Variants in PCDHGA6 observed in about 807,000 individuals in gnomAD.
The protein encoded by PCDHGA6 is protocadherin gamma-A6.
In PCDHGA6, 41 loss-of-function variants were observed where a neutral mutation model predicts 60.6. The observed-to-expected ratio is 0.68, with a 90% CI of 0.53 to 0.88. The LOEUF is 0.88. Ranked by LOEUF, PCDHGA6 falls within the 40% of genes least tolerant of loss-of-function variation. The pLI, the probability that PCDHGA6 is intolerant of heterozygous loss-of-function variation, is 0.00. For missense variants in PCDHGA6, 1,312 were observed against 1,203.0 expected, an observed-to-expected ratio of 1.09 and a Z score of -1.34; for synonymous variants, 594 against 524.4, an observed-to-expected ratio of 1.13 and a Z score of -1.81.
At chr5:141,428,358 G>A in intron 1 of PCDHGA6, 2 of 565,492 alleles carry the variant, frequency 3.5e-6, no homozygotes, top group South Asian at 1.9e-5. Context: ...TGATTTTGGC[G>A]GTCGCCTTGC....
intron 3 of PCDHGA6, among the ~76,000 whole-genome samples, chr5:141,508,855 C>T (rs2099872444): frequency 6.6e-6 from 1 of 152,020 alleles, no homozygotes; most frequent in Non-Finnish European, 1.5e-5. Flanking sequence ...CATTCCCAGG[C>T]TGGGAAAGGC....
chr5:141,374,954 A>G lies in PCDHGA6; in HGVS notation c.871A>G (p.Ile291Val). The G allele has an allele frequency of 6.2e-7, 1 of 1,613,990 alleles. No homozygotes were observed. The part of the protein sequence containing the change: ...FVKITEKISQ[I>V]FCLNVLTGEI... ...GAAGATTACAGAAAAGATCTCACAA[A>G]TTTTCTGTTTGAATGTTTTGACTGG... Residue 291 changes from isoleucine to valine, a missense_variant, in exon 1 of 4, where the codon ATT (isoleucine) becomes GTT (valine). Physicochemically the swap from Ile to Val is conservative, Grantham distance 29 (BLOSUM62 3). Transcript: ENST00000517434.
Position 141,490,618 on chromosome 5 carries a change from A to C in PCDHGA6, c.2425-4189A>C. The C allele has an allele frequency of 6.2e-7, 1 of 1,614,104 alleles. No homozygotes were observed. Among genetic ancestry groups the C allele is most frequent in the South Asian group, 1.1e-5 (1 of 91,080 alleles). ...ACCCCGCTTCAACCAGCAGCTTTAC[A>C]CTGCTTACATCCTAGAAAACCGGCC... On this transcript the variant is annotated intron_variant, in intron 1 of 3. Coordinates refer to ENST00000517434, the MANE Select transcript of PCDHGA6 (RefSeq NM_018919.3). This position sits in a 1 kb window ranked among gnomAD's most constrained non-coding sequence, Gnocchi z 5.4.
At chr5:141,414,738 C>T in intron 1 of PCDHGA6, 1 of 1,614,238 alleles carries the variant, frequency 6.2e-7, no homozygotes, top group Non-Finnish European at 8.5e-7. Context: ...TGTATGCACT[C>T]AGATCCTTCG....
chr5:141,414,554 C>G (rs1184557964), intron 1 of PCDHGA6: 3 of 1,613,880 alleles, frequency 1.9e-6, no homozygotes, highest in East Asian at 2.2e-5. Context: ...TCTCAAGTCT[C>G]CTACTTTACC....
In PCDHGA6 at chr5:141,432,867, T is replaced by C; in HGVS notation, c.2424+56360T>C. ...GTAGCGGTGGCCGCGGTCTCCTGCG[T>C]CTTCCTGGCCTTCGTCATCTTGCTG... On this transcript the variant is annotated intron_variant, in intron 1 of 3. Coordinates refer to ENST00000517434, the MANE Select transcript of PCDHGA6 (RefSeq NM_018919.3). The surrounding 1 kb of genome is among the most constrained non-coding windows in gnomAD (Gnocchi z 6.0). 2 of 1,614,182 alleles carry C rather than the reference T, an allele frequency of 1.2e-6. No individual in the cohort carries two copies. The highest frequency in any genetic ancestry group is 1.7e-6 in the Non-Finnish European group (2 of 1,180,010).
intron 1 of PCDHGA6, chr5:141,468,354 GA>G (rs910554966): frequency 7.0e-6 from 1 of 143,440 alleles, no homozygotes. Context: ...AAAAAAGAAA[GA>G]AAAAAGAAAT....
intron 1 of PCDHGA6, chr5:141,416,406 T>C (rs2096021956): frequency 6.6e-6 from 1 of 152,224 alleles, no homozygotes; most frequent in Non-Finnish European, 1.5e-5. Flanking sequence ...TTGTCTTTTT[T>C]GTTAAATTTT....
chr5:141,478,499 G>A (rs77463374), intron 1 of PCDHGA6: 18 of 1,612,728 alleles, frequency 1.1e-5, no homozygotes, highest in African/African-American at 2.7e-5. Context: ...CTGTGATCCG[G>A]TGTTCTATAG....
chr5:141,408,176 G>C, intron 1 of PCDHGA6: 1 of 1,533,992 alleles, frequency 6.5e-7, no homozygotes, highest in South Asian at 1.2e-5. Flanking sequence ...TGGAAAAGCG[G>C]GGACCCAGCG....
At chr5:141,413,729 G>C (rs2095671676) in intron 1 of PCDHGA6, 1 of 1,613,378 alleles carries the variant, frequency 6.2e-7, no homozygotes, top group Non-Finnish European at 8.5e-7. Flanking sequence ...TTCTCCCTAA[G>C]AGTTCAGAGC....
intron 1 of PCDHGA6, among the ~76,000 whole-genome samples, chr5:141,467,591 T>C (rs765816743): frequency 3.3e-5 from 5 of 152,360 alleles, no homozygotes; most frequent in South Asian, 4.1e-4. Flanking sequence ...ATGCCATTTA[T>C]TAAGCACTTC....
Position 141,376,280 on chromosome 5 carries a change from G to A in PCDHGA6, c.2197G>A (p.Ala733Thr), listed in dbSNP as rs1366103411. The part of the protein sequence containing the change: ...RLLQASGGGL[A>T]SMPGSHFVGV... ...GCTGCAGGCTTCGGGAGGTGGCTTA[G>A]CGAGCATGCCCGGCTCGCACTTTGT... Residue 733 changes from alanine (A) to threonine (T), a missense_variant, in exon 1 of 4, where the codon GCG becomes ACG. By Grantham distance (58) the Ala-to-Thr change is moderately conservative (BLOSUM62 0). Transcript: ENST00000517434. 2.5e-6 allele frequency: 4 copies of A among 1,614,226 alleles called. No individual in the cohort carries two copies. The highest frequency in any genetic ancestry group is 1.7e-5 in the Admixed American group (1 of 60,028).
chr5:141,470,452 G>A (rs981528762), intron 1 of PCDHGA6, among the ~76,000 whole-genome samples: 1 of 152,130 alleles, frequency 6.6e-6, no homozygotes, highest in Admixed American at 6.5e-5. Flanking sequence ...ATAGCATCTT[G>A]AATAGGATTT....
chr5:141,414,587 G>C (rs775783880), intron 1 of PCDHGA6: 3 of 1,613,828 alleles, frequency 1.9e-6, no homozygotes, highest in Admixed American at 3.3e-5. Context: ...AACAACGCCA[G>C]GGGTGCCTCC....
chr5:141,409,903 G>A (rs570063514), intron 1 of PCDHGA6: 1 of 1,613,268 alleles, frequency 6.2e-7, no homozygotes, highest in Non-Finnish European at 8.5e-7. Flanking sequence ...ACCCAGCTCT[G>A]GGTCCTGACG....
Position 141,384,048 on chromosome 5 carries a change from C to A in PCDHGA6, c.2424+7541C>A, listed in dbSNP as rs111794989. 4,325 of 1,611,882 alleles carry A rather than the reference C, an allele frequency of 2.7e-3. 15 individuals carry two copies. Among genetic ancestry groups the A allele is most frequent in the Admixed American group, 9.3e-3 (555 of 59,694 alleles). ...ATTCTGGAAAGAATGGTGAGGTGACCTGCACCATTCCAGAAAACCTACCTT... is the reference window on the plus strand; with the variant it reads ...ATTCTGGAAAGAATGGTGAGGTGACATGCACCATTCCAGAAAACCTACCTT... On this transcript the variant is annotated intron_variant, in intron 1 of 3. Transcript: ENST00000517434.
At chr5:141,503,620 A>C (rs1475731896) in intron 2 of PCDHGA6, among the ~76,000 whole-genome samples, 1 of 152,026 alleles carries the variant, frequency 6.6e-6, no homozygotes, top group East Asian at 1.9e-4. Flanking sequence ...AAAAAGAAAA[A>C]AGAAAAGAAA....
rs769872504 is a variant in PCDHGA6, at chr5:141,394,062, A to G, written c.2424+17555A>G. 2.5e-6 allele frequency: 4 copies of G among 1,613,808 alleles called. No homozygotes were observed. The South Asian group carries it at 4.4e-5, about 18-fold the overall frequency. On this transcript the variant is annotated intron_variant, in intron 1 of 3. Coordinates refer to ENST00000517434, the MANE Select transcript of PCDHGA6 (RefSeq NM_018919.3). ...ATATTTGGACCGAGAAAATGTCTCT[A>G]TCTACAATATCACAGTGATGGCCTC... is the stretch of plus-strand genomic sequence containing the variant.
Sources: gnomAD v4.1 joint callset for allele counts (sites outside exome capture counted in the v4.1 genomes callset) on GRCh38, gnomAD v4.1.1 for gene constraint, Gnocchi (gnomAD v3.1) non-coding constraint, MANE v1.5 for transcripts, NCBI Gene and HGNC (gene_info 2026-07-23, HGNC 2026-07-21) for gene names.